The following RPS6KA5 variants were observed in gnomAD, a reference collection of about 807,000 sequenced individuals.
The protein encoded by RPS6KA5 is ribosomal protein S6 kinase A5, also known as ribosomal protein S6 kinase alpha-5.
RPS6KA5 carries 27 observed loss-of-function variants against 85.5 expected under a neutral mutation model. The observed-to-expected ratio is 0.32, with a 90% CI of 0.23 to 0.44. RPS6KA5 has a LOEUF of 0.44. Among genes scored for constraint, RPS6KA5 ranks in the 20% least tolerant of loss-of-function variants. The pLI, the probability that RPS6KA5 is intolerant of heterozygous loss-of-function variation, is 1.00. For synonymous variants in RPS6KA5, 334 were observed against 348.2 expected (o/e 0.96, Z 0.46); for missense variants, 811 against 980.9 (o/e 0.83, Z 2.31).
chr14:90,987,130 G>A (rs887415904), intron 2 of RPS6KA5, among the ~76,000 whole-genome samples: 1 of 152,106 alleles, frequency 6.6e-6, no homozygotes, highest in Non-Finnish European at 1.5e-5. Context: ...AACATTGTAG[G>A]CTTACACTGA....
At chr14:91,003,846 C>G (rs2040887300) in intron 1 of RPS6KA5, among the ~76,000 whole-genome samples, 1 of 152,190 alleles carries the variant, frequency 6.6e-6, no homozygotes. Flanking sequence ...CTCTCTTCCA[C>G]CTCAAGTTTC....
At chr14:91,054,310 T>C (rs1471741950) in intron 1 of RPS6KA5, among the ~76,000 whole-genome samples, 3 of 149,774 alleles carry the variant, frequency 2.0e-5, no homozygotes, top group Non-Finnish European at 4.4e-5. Flanking sequence ...AAGAATAAAA[T>C]GAAAAAGAAA....
At position 90,927,307 on chromosome 14, in the gene RPS6KA5, G is replaced by A. The variant is rs1392689354; in HGVS notation, c.619-4111C>T. 2.6e-5 allele frequency among the ~76,000 whole-genome samples: 4 copies of A among 151,864 alleles called. No homozygotes were observed. The East Asian group carries it at 7.7e-4, about 29-fold the overall frequency. On this transcript the variant is annotated intron_variant, in intron 5 of 16. Coordinates refer to ENST00000614987, the MANE Select transcript of RPS6KA5 (RefSeq NM_004755.4). Reference sequence around the variant, plus strand: ...CATTTAAATAGAAGACAGGAAAAAGGGAAAACAGAAGCAAAGAGAAACACA... The same window carrying A: ...CATTTAAATAGAAGACAGGAAAAAGAGAAAACAGAAGCAAAGAGAAACACA...
intron 6 of RPS6KA5, 138 bp downstream of exon 6, chr14:90,922,975 C>CA: frequency 1.6e-6 from 1 of 621,458 alleles, no homozygotes; most frequent in Non-Finnish European, 2.8e-6. Flanking sequence ...GAATACAAAG[C>CA]AAAAGAGAAA....
intron 7 of RPS6KA5, among the ~76,000 whole-genome samples, chr14:90,915,389 T>A (rs1044084843): frequency 3.3e-5 from 5 of 152,188 alleles, no homozygotes; most frequent in African/African-American, 1.2e-4. Flanking sequence ...ATCTTCCTAG[T>A]GGACTCTACT....
chr14:90,945,716 T>G (rs965381997), intron 4 of RPS6KA5, among the ~76,000 whole-genome samples: 1 of 152,210 alleles, frequency 6.6e-6, no homozygotes, highest in Admixed American at 6.5e-5. Context: ...TTCACATAAA[T>G]TAAAAACCGG....
chr14:90,993,950 G>A (rs1222039965), intron 2 of RPS6KA5, among the ~76,000 whole-genome samples: 1 of 150,772 alleles, frequency 6.6e-6, no homozygotes, highest in Non-Finnish European at 1.5e-5. Flanking sequence ...GTGTAGTGAT[G>A]TGATCATAAC....
chr14:90,984,944 CT>C (rs142922243), intron 2 of RPS6KA5, among the ~76,000 whole-genome samples: 244 of 145,322 alleles, frequency 1.7e-3, no homozygotes, highest in Non-Finnish European at 1.6e-3. Flanking sequence ...AGCCTTTAAT[CT>C]TTTTTTTTTT....
intron 1 of RPS6KA5, among the ~76,000 whole-genome samples, chr14:91,044,347 GAAAGAA>G: frequency 3.4e-5 from 1 of 29,620 alleles, no homozygotes. Context: ...GACAAAGAAA[GAAAGAA>G]AGAAAGAAAG....
intron 7 of RPS6KA5, among the ~76,000 whole-genome samples, chr14:90,910,812 A>G (rs548651535): frequency 5.4e-4 from 82 of 151,870 alleles, no homozygotes; most frequent in African/African-American, 2.0e-3. Context: ...CAGCCTCCTG[A>G]GTACCTGGGA....
At chr14:90,890,430 G>A (rs927318725) in intron 14 of RPS6KA5, 57 bp downstream of exon 14, 1 of 1,439,774 alleles carries the variant, frequency 6.9e-7, no homozygotes, top group Admixed American at 2.4e-5. Context: ...AGTGAGATAA[G>A]GAGAGAGGAC....
rs903635758 is a variant in RPS6KA5 at position 90,863,404 on chromosome 14, A to G, written c.*8670T>C. ...TTCTTATTCTGAGTTGAAGAAGTTT[A>G]AGGAGTCCATTGTCATTACTTCATT... On this transcript the variant is annotated 3_prime_UTR_variant, in exon 17 of 17. Transcript: ENST00000614987. The G allele has an allele frequency of 6.7e-6, 1 of 150,222 alleles. No homozygotes were observed. Among genetic ancestry groups the G allele is most frequent in the South Asian group, 2.1e-4 (1 of 4,798 alleles). The allele number at this position is 150,222 out of a possible 1,614,324, so 9.3% of individuals were successfully genotyped here.
Position 90,862,644 on chromosome 14 carries a change from T to G in RPS6KA5, c.*9430A>C, listed in dbSNP as rs956691822. The G allele has an allele frequency of 6.6e-6, 1 of 152,092 alleles. No individual in the cohort carries two copies. The highest frequency in any genetic ancestry group is 6.6e-5 in the Admixed American group (1 of 15,260). 9.4% of individuals were successfully genotyped at this position (152,092 alleles called of 1,614,324 possible). A position where few individuals can be genotyped will look rare whatever the true frequency, so the allele number is the denominator to read the frequency against. ...CACCATCCTTGGCTAATTAATCTTT[T>G]GTAGAGATGAGGTCTCTCTATGTTG... On this transcript the variant is annotated 3_prime_UTR_variant, in exon 17 of 17. Coordinates refer to ENST00000614987, the MANE Select transcript of RPS6KA5 (RefSeq NM_004755.4).
chr14:91,020,534 CTG>C (rs34407471), intron 1 of RPS6KA5, among the ~76,000 whole-genome samples: 6,140 of 109,728 alleles, frequency 0.056, 183 homozygotes, highest in Middle Eastern at 0.084. Flanking sequence ...TAAGGAATGA[CTG>C]TGTGTGTGTG....
intron 1 of RPS6KA5, among the ~76,000 whole-genome samples, chr14:91,038,452 A>G (rs2042482082): frequency 6.6e-6 from 1 of 152,252 alleles, no homozygotes; most frequent in Non-Finnish European, 1.5e-5. Flanking sequence ...CCCAAAGACA[A>G]TCTGGAACCC....
chr14:91,046,387 A>G (rs2042872143), intron 1 of RPS6KA5, among the ~76,000 whole-genome samples: 1 of 152,182 alleles, frequency 6.6e-6, no homozygotes, highest in Non-Finnish European at 1.5e-5. Context: ...TTTTAGCCCT[A>G]ATTATGATGC....
At chr14:90,965,289 G>GTACTC (rs1054233350) in intron 3 of RPS6KA5, among the ~76,000 whole-genome samples, 10 of 152,230 alleles carry the variant, frequency 6.6e-5, no homozygotes, top group African/African-American at 2.4e-4. Context: ...GGAGGCTGAG[G>GTACTC]CTTGAACCTG....
intron 1 of RPS6KA5, among the ~76,000 whole-genome samples, chr14:91,041,071 T>C (rs2042591263): frequency 6.6e-6 from 1 of 152,182 alleles, no homozygotes; most frequent in Admixed American, 6.5e-5. Context: ...TTTTTCTTTT[T>C]TCTTTTTACA....
intron 5 of RPS6KA5, among the ~76,000 whole-genome samples, chr14:90,942,497 A>T (rs1443752955): frequency 5.3e-5 from 8 of 152,264 alleles, no homozygotes; most frequent in Non-Finnish European, 2.9e-5. Context: ...AGTGTCATTA[A>T]ATGCATTTGT....
Sources: allele counts gnomAD v4.1 joint callset (sites outside exome capture counted in the v4.1 genomes callset), GRCh38; gene constraint gnomAD v4.1.1; transcripts MANE v1.5; gene names NCBI Gene and HGNC (gene_info 2026-07-23, HGNC 2026-07-21).